KLF13: variants seen among roughly 807,000 people sequenced by gnomAD.
KLF13 encodes KLF transcription factor 13.
In KLF13, 8 loss-of-function variants were observed where a neutral mutation model predicts 16.7. The ratio of observed to expected loss-of-function variants is 0.48; its 90% CI spans 0.28 to 0.87. KLF13 has a LOEUF of 0.87. Among genes scored for constraint, KLF13 ranks in the 40% least tolerant of loss-of-function variants. The pLI, the probability that KLF13 is intolerant of heterozygous loss-of-function variation, is 0.10. For synonymous variants in KLF13, 245 were observed against 208.4 expected (o/e 1.18, Z -1.51); for missense variants, 447 against 452.2 (o/e 0.99, Z 0.10).
chr15:31,347,857 C>T (rs2039149486), intron 1 of KLF13, among the ~76,000 whole-genome samples: 1 of 152,240 alleles, frequency 6.6e-6, no homozygotes, highest in Admixed American at 6.5e-5. Context: ...GGCTGCAGCG[C>T]TGGTGGAACA....
intron 1 of KLF13, chr15:31,366,135 TC>T (rs1334397313): frequency 3.5e-5 from 4 of 113,046 alleles, no homozygotes; most frequent in Admixed American, 2.2e-4. Context: ...CTGCATGCGG[TC>T]CCCTACCCTG....
intron 1 of KLF13, among the ~76,000 whole-genome samples, chr15:31,418,382 G>T (rs2040281585): frequency 6.6e-6 from 1 of 152,070 alleles, no homozygotes; most frequent in Non-Finnish European, 1.5e-5. Context: ...GGGATGACAA[G>T]AACAGAAATT....
chr15:31,392,678 G>A (rs1242596414), upstream of KLF13, among the ~76,000 whole-genome samples: 3 of 152,220 alleles, frequency 2.0e-5, no homozygotes, highest in Non-Finnish European at 4.4e-5. Context: ...CTTGGGTGAC[G>A]TTTTGGAAAT....
chr15:31,349,437 A>G (rs1595464229), intron 1 of KLF13, among the ~76,000 whole-genome samples: 2 of 152,214 alleles, frequency 1.3e-5, no homozygotes, highest in African/African-American at 2.4e-5. Flanking sequence ...GCTGTCTTCG[A>G]TGGAACAGCC....
Position 31,327,118 on chromosome 15 carries a change from GC to G in KLF13, c.-90del. 4.4e-6 allele frequency: 3 copies of G among 675,638 alleles called. No homozygotes were observed. Among genetic ancestry groups the G allele is most frequent in the East Asian group, 9.0e-5 (1 of 11,102 alleles). The allele number at this position is 675,638 out of a possible 1,614,324, so 41.9% of individuals were successfully genotyped here. ...CCAGCCCGAGGAGAGGGCGCGCCGC[GC>G]CCCCGCCCCCCGCCCGCTCTCCCGA... On this transcript the variant is annotated 5_prime_UTR_variant, in exon 1 of 2. Coordinates refer to ENST00000307145, the MANE Select transcript of KLF13 (RefSeq NM_015995.4).
intron 1 of KLF13, among the ~76,000 whole-genome samples, chr15:31,359,315 C>T (rs1325813540): frequency 2.0e-5 from 3 of 152,184 alleles, no homozygotes; most frequent in Non-Finnish European, 4.4e-5. Context: ...ACCTTGAGAA[C>T]GGAAATTTTC....
chr15:31,397,791 T>C (rs190585811), intron 2 of KLF13, among the ~76,000 whole-genome samples: 5 of 145,422 alleles, frequency 3.4e-5, no homozygotes, highest in African/African-American at 1.3e-4. Context: ...AGGGATGAAC[T>C]ACACAGATGA....
intron 1 of KLF13, among the ~76,000 whole-genome samples, chr15:31,432,459 T>C (rs562839377): frequency 3.0e-5 from 3 of 100,146 alleles, no homozygotes; most frequent in Admixed American, 1.9e-4. Flanking sequence ...TTCCTTTTTT[T>C]TTTTTTTAAA....
chr15:31,410,582 A>AACAC (rs71110871), intron 1 of KLF13, among the ~76,000 whole-genome samples: 1,822 of 146,876 alleles, frequency 0.012, 35 homozygotes, highest in African/African-American at 0.043. Context: ...AACACCAACC[A>AACAC]ACACACACAC....
intron 2 of KLF13, among the ~76,000 whole-genome samples, chr15:31,401,269 G>A (rs1161243910): frequency 1.3e-5 from 2 of 152,178 alleles, no homozygotes; most frequent in African/African-American, 4.8e-5. Flanking sequence ...CAAAGTGCTG[G>A]GCCTACAGGT....
At chr15:31,397,925 C>G (rs2140989200) in intron 2 of KLF13, among the ~76,000 whole-genome samples, 1 of 152,088 alleles carries the variant, frequency 6.6e-6, no homozygotes, top group African/African-American at 2.4e-5. Context: ...TCTTTCTCTC[C>G]TGTGCCTCAG....
intron 1 of KLF13, among the ~76,000 whole-genome samples, chr15:31,414,087 A>G (rs2040228514): frequency 6.6e-6 from 1 of 152,186 alleles, no homozygotes; most frequent in South Asian, 2.1e-4. Context: ...GAAATGGGGG[A>G]CATGGAACAG....
chr15:31,337,078 C>CA (rs2038940824), intron 1 of KLF13, among the ~76,000 whole-genome samples: 1 of 152,224 alleles, frequency 6.6e-6, no homozygotes, highest in Non-Finnish European at 1.5e-5. Context: ...CCGTTGTCCT[C>CA]ACCTGCATGA....
chr15:31,417,758 C>G (rs1049584607), intron 1 of KLF13, among the ~76,000 whole-genome samples: 1 of 151,968 alleles, frequency 6.6e-6, no homozygotes, highest in Admixed American at 6.6e-5. Context: ...TATGGTCCGG[C>G]TGGTCTGGAA....
downstream of KLF13, among the ~76,000 whole-genome samples, chr15:31,381,047 C>T (rs1455654867): frequency 1.3e-5 from 2 of 151,998 alleles, no homozygotes; most frequent in Non-Finnish European, 2.9e-5. Context: ...TGGCGGGTGC[C>T]TGTAATCCCA....
chr15:31,368,657 C>G (rs2140963811), intron 1 of KLF13, among the ~76,000 whole-genome samples: 1 of 152,232 alleles, frequency 6.6e-6, no homozygotes, highest in East Asian at 1.9e-4. Flanking sequence ...AGTTCAAGAC[C>G]AGCCTAGCCA....
intron 1 of KLF13, chr15:31,420,325 C>T: frequency 2.0e-6 from 2 of 1,003,610 alleles, no homozygotes; most frequent in Non-Finnish European, 3.1e-6. Flanking sequence ...TAGGGACCAT[C>T]CATGGAGCAG....
At chr15:31,358,244 G>A (rs1168869116) in intron 1 of KLF13, among the ~76,000 whole-genome samples, 1 of 152,212 alleles carries the variant, frequency 6.6e-6, no homozygotes, top group Non-Finnish European at 1.5e-5. Flanking sequence ...GTTGTGCAGT[G>A]GAAGGAGGGG....
At chr15:31,371,605 CG>C (rs2039555543) in intron 1 of KLF13, among the ~76,000 whole-genome samples, 1 of 152,204 alleles carries the variant, frequency 6.6e-6, no homozygotes, top group African/African-American at 2.4e-5. Context: ...GGCTGGACTC[CG>C]GGAGGCCTGT....
Sources: gnomAD v4.1 joint callset for allele counts (sites outside exome capture counted in the v4.1 genomes callset) on GRCh38, gnomAD v4.1.1 for gene constraint, MANE v1.5 for transcripts, NCBI Gene and HGNC (gene_info 2026-07-23, HGNC 2026-07-21) for gene names.